Variants in ESRRB observed in about 807,000 individuals in gnomAD.
ESRRB encodes steroid hormone receptor ERR2.
In ESRRB, 16 loss-of-function variants were observed where a neutral mutation model predicts 46.0. The observed-to-expected ratio is 0.35, with a 90% CI of 0.24 to 0.53. The LOEUF is 0.53. ESRRB is among the 20% of genes least tolerant of loss of function. The probability of loss-of-function intolerance (pLI) is 0.93; values close to 1 mark genes in which losing one functional copy is unlikely to be tolerated. For synonymous variants in ESRRB, 246 were observed against 259.6 expected, an observed-to-expected ratio of 0.95 and a Z score of 0.50; for missense variants, 488 against 607.4, an observed-to-expected ratio of 0.80 and a Z score of 2.07.
intron 1 of ESRRB, among the ~76,000 whole-genome samples, chr14:76,396,001 C>T (rs556386510): frequency 3.3e-5 from 5 of 152,036 alleles, no homozygotes; most frequent in African/African-American, 1.2e-4. Flanking sequence ...GGTGAAAGCC[C>T]GTCTTTACTA....
At chr14:76,487,335 A>G (rs901485495) in intron 5 of ESRRB, among the ~76,000 whole-genome samples, 1 of 152,224 alleles carries the variant, frequency 6.6e-6, no homozygotes, top group African/African-American at 2.4e-5. Flanking sequence ...TGCCAGGGTC[A>G]CAGCTAGTGA....
At chr14:76,381,139 T>G (rs1884997212) in intron 1 of ESRRB, among the ~76,000 whole-genome samples, 1 of 152,122 alleles carries the variant, frequency 6.6e-6, no homozygotes, top group African/African-American at 2.4e-5. Context: ...CCCTGTCCCC[T>G]GGCATGGGTG....
intron 2 of ESRRB, among the ~76,000 whole-genome samples, chr14:76,451,852 T>C (rs1223893154): frequency 6.7e-6 from 1 of 150,270 alleles, no homozygotes; most frequent in Non-Finnish European, 1.5e-5. Flanking sequence ...AGGCTGATCT[T>C]GAACTCCTGA....
chr14:76,497,586 C>T (rs756228956), intron 6 of ESRRB, among the ~76,000 whole-genome samples: 3 of 152,174 alleles, frequency 2.0e-5, no homozygotes, highest in Admixed American at 1.3e-4. Flanking sequence ...TGCCTCATGC[C>T]GCCACCTTGA....
chr14:76,494,191 T>A (rs534130302), intron 6 of ESRRB, among the ~76,000 whole-genome samples: 7 of 152,334 alleles, frequency 4.6e-5, no homozygotes, highest in African/African-American at 1.7e-4. Context: ...ATATTAAAAA[T>A]TTTACATACG....
At chr14:76,412,407 T>C (rs1886482591) in intron 1 of ESRRB, among the ~76,000 whole-genome samples, 1 of 152,238 alleles carries the variant, frequency 6.6e-6, no homozygotes, top group South Asian at 2.1e-4. Flanking sequence ...TTCAGTCTTG[T>C]GGGAACCAGT....
intron 1 of ESRRB, among the ~76,000 whole-genome samples, chr14:76,391,608 A>G (rs961443725): frequency 1.4e-4 from 21 of 152,292 alleles, no homozygotes; most frequent in Admixed American, 3.9e-4. Context: ...CCACCTCACT[A>G]TGGGAGTCTT....
At chr14:76,486,276 A>G (rs1161696172) in intron 5 of ESRRB, among the ~76,000 whole-genome samples, 1 of 152,178 alleles carries the variant, frequency 6.6e-6, no homozygotes, top group African/African-American at 2.4e-5. Context: ...GCCAGCCAGG[A>G]AAGCCTGCCC....
chr14:76,370,558 G>A (rs945195694), upstream of ESRRB, among the ~76,000 whole-genome samples: 2 of 152,172 alleles, frequency 1.3e-5, no homozygotes, highest in African/African-American at 2.4e-5. Flanking sequence ...TCAGTCAACA[G>A]CTAATTGTTC....
chr14:76,395,859 T>G (rs1885656586), intron 1 of ESRRB, among the ~76,000 whole-genome samples: 1 of 134,098 alleles, frequency 7.5e-6, no homozygotes. Flanking sequence ...GGGGGCGGGG[T>G]TGAGAAATGC....
intron 1 of ESRRB, among the ~76,000 whole-genome samples, chr14:76,423,861 G>C (rs1210648480): frequency 7.6e-6 from 1 of 132,080 alleles, no homozygotes; most frequent in Non-Finnish European, 1.6e-5. Flanking sequence ...CCAGCCAGGA[G>C]GCCAGTGTGG....
intron 3 of ESRRB, among the ~76,000 whole-genome samples, chr14:76,472,913 TAATTAG>T (rs1479302896): frequency 6.6e-6 from 1 of 152,200 alleles, no homozygotes; most frequent in Non-Finnish European, 1.5e-5. Flanking sequence ...ACCTGGCACA[TAATTAG>T]AATTAGTAGA....
intron 1 of ESRRB, among the ~76,000 whole-genome samples, chr14:76,324,712 G>C (rs1883906938): frequency 6.6e-6 from 1 of 152,182 alleles, no homozygotes; most frequent in Non-Finnish European, 1.5e-5. Flanking sequence ...AGCAAAGGCA[G>C]AGGAAGGGGA....
chr14:76,409,100 C>T (rs1886324699), intron 1 of ESRRB, among the ~76,000 whole-genome samples: 1 of 152,144 alleles, frequency 6.6e-6, no homozygotes, highest in Admixed American at 6.5e-5. Flanking sequence ...AATGGGAACG[C>T]CCAGGCTTCC....
At chr14:76,460,786 C>A (rs1888822718) in intron 2 of ESRRB, among the ~76,000 whole-genome samples, 1 of 150,638 alleles carries the variant, frequency 6.6e-6, no homozygotes, top group Non-Finnish European at 1.5e-5. Context: ...ACTGCAACCT[C>A]CGCCTCATGG....
At chr14:76,414,459 A>G (rs1168039292) in intron 1 of ESRRB, among the ~76,000 whole-genome samples, 93 of 150,836 alleles carry the variant, frequency 6.2e-4, no homozygotes, top group Non-Finnish European at 1.6e-4. Flanking sequence ...GGCGGTTTTC[A>G]TTTCGGAGGG....
chr14:76,493,611 C>T (rs1228063335), intron 6 of ESRRB, among the ~76,000 whole-genome samples: 2 of 152,198 alleles, frequency 1.3e-5, no homozygotes, highest in African/African-American at 4.8e-5. Flanking sequence ...GGAGAACTGG[C>T]TCCCAGATGC....
intron 2 of ESRRB, among the ~76,000 whole-genome samples, chr14:76,448,719 T>G (rs1888258417): frequency 6.7e-6 from 1 of 150,210 alleles, no homozygotes; most frequent in African/African-American, 2.5e-5. Flanking sequence ...CCAAATGCAA[T>G]GCAATCCCCA....
At chr14:76,386,128 C>A (rs973490504) in intron 1 of ESRRB, among the ~76,000 whole-genome samples, 1 of 152,050 alleles carries the variant, frequency 6.6e-6, no homozygotes, top group Non-Finnish European at 1.5e-5. Flanking sequence ...ATATGGCTCG[C>A]GTGTCAATAT....
Sources: gnomAD v4.1 joint callset for allele counts (sites outside exome capture counted in the v4.1 genomes callset) on GRCh38, gnomAD v4.1.1 for gene constraint, MANE v1.5 for transcripts, NCBI Gene and HGNC (gene_info 2026-07-23, HGNC 2026-07-21) for gene names.